The following ZZEF1 variants were observed in gnomAD, a reference collection of about 807,000 sequenced individuals.
ZZEF1 encodes the protein zinc finger ZZ-type and EF-hand domain containing 1.
A neutral mutation model predicts 342.8 loss-of-function variants in ZZEF1; 157 were observed. The ratio of observed to expected loss-of-function variants is 0.46; its 90% CI spans 0.40 to 0.52. The LOEUF (loss-of-function observed/expected upper bound fraction) is 0.52, where lower values mean the gene tolerates loss of function less well. ZZEF1 is among the 20% of genes least tolerant of loss of function. The pLI is 0.00. For missense variants in ZZEF1, 3,480 were observed against 3,725.6 expected, an observed-to-expected ratio of 0.93 and a Z score of 1.72; for synonymous variants, 1,505 against 1,429.1, an observed-to-expected ratio of 1.05 and a Z score of -1.20.
At chr17:4,046,118 C>T (rs529532349) in intron 37 of ZZEF1, among the ~76,000 whole-genome samples, 12 of 152,178 alleles carry the variant, frequency 7.9e-5, no homozygotes, top group Non-Finnish European at 1.8e-4. Context: ...TGAGCCACCA[C>T]GCCCGGCCTC....
chr17:4,063,057 G>T (rs1207758238), intron 29 of ZZEF1, 140 bp from the exon 30 acceptor site: 22 of 777,048 alleles, frequency 2.8e-5, no homozygotes, highest in Non-Finnish European at 3.8e-5. Flanking sequence ...TGTAGGAGAA[G>T]TACCAATACC....
intron 16 of ZZEF1, among the ~76,000 whole-genome samples, chr17:4,083,934 A>C (rs1394405549): frequency 6.6e-6 from 1 of 152,178 alleles, no homozygotes; most frequent in East Asian, 1.9e-4. Flanking sequence ...TCTTTTAAAT[A>C]ATTCTATTAG....
At chr17:4,027,149 G>T (rs1422146409) in intron 42 of ZZEF1, among the ~76,000 whole-genome samples, 1 of 151,942 alleles carries the variant, frequency 6.6e-6, no homozygotes, top group Non-Finnish European at 1.5e-5. Flanking sequence ...TTGTTTTTTA[G>T]GGGGTGGTAG....
intron 6 of ZZEF1, among the ~76,000 whole-genome samples, chr17:4,107,324 A>G (rs1208558067): frequency 6.6e-6 from 1 of 152,006 alleles, no homozygotes; most frequent in Non-Finnish European, 1.5e-5. Context: ...AAATATAGAA[A>G]CCTCTTCCTT....
chr17:4,066,652 T>G (rs572612294), intron 27 of ZZEF1, 112 bp from the exon 28 acceptor site: 1 of 889,618 alleles, frequency 1.1e-6, no homozygotes, highest in Admixed American at 2.0e-5. Context: ...TACTTCACAG[T>G]TGTATCATTT....
At chr17:4,049,888 T>TTATATAATGAG (rs2057008798) in intron 36 of ZZEF1, 29 bp from the exon 37 acceptor site, 2 of 1,607,246 alleles carry the variant, frequency 1.2e-6, no homozygotes, top group Non-Finnish European at 1.7e-6. Flanking sequence ...AGAGAATGGT[T>TTATATAATGAG]AGAAGTTTTA....
intron 13 of ZZEF1, 133 bp downstream of exon 13, chr17:4,088,545 G>A (rs953750197): frequency 1.1e-6 from 1 of 939,222 alleles, no homozygotes; most frequent in Non-Finnish European, 1.6e-6. Context: ...AGCTTTTCAT[G>A]TCCCTGCAGC....
At chr17:4,012,203 T>C (rs2055979724) in intron 52 of ZZEF1, among the ~76,000 whole-genome samples, 1 of 152,188 alleles carries the variant, frequency 6.6e-6, no homozygotes, top group Admixed American at 6.5e-5. Context: ...CTGTGCTTAC[T>C]GGACTCGACG....
chr17:4,082,621 C>G, intron 16 of ZZEF1, 117 bp from the exon 17 acceptor site: 1 of 914,570 alleles, frequency 1.1e-6, no homozygotes, highest in Non-Finnish European at 1.7e-6. Flanking sequence ...AATGCCAGGC[C>G]AGCAGACTAC....
intron 1 of ZZEF1, among the ~76,000 whole-genome samples, chr17:4,130,504 C>T (rs1165661096): frequency 6.6e-6 from 1 of 151,776 alleles, no homozygotes; most frequent in East Asian, 1.9e-4. Flanking sequence ...ATGAAAATAT[C>T]ACAACAAAAC....
At chr17:4,064,061 G>T (rs899818988) in intron 29 of ZZEF1, among the ~76,000 whole-genome samples, 6 of 142,048 alleles carry the variant, frequency 4.2e-5, no homozygotes, top group Admixed American at 4.1e-4. Flanking sequence ...TTTTGTAGAT[G>T]GAGGGGGGGG....
chr17:4,020,207 C>T lies in ZZEF1; in HGVS notation c.7405-438G>A, dbSNP rs181628531. 8.5e-5 allele frequency among the ~76,000 whole-genome samples: 13 copies of T among 152,258 alleles called. No individual in the cohort carries two copies. In the East Asian group the frequency reaches 2.3e-3, roughly 27 times the overall value. ...TGCAGTGGTGTGATCATAGCTCATA[C>T]CACTGAGTACCCAAAAGCGTAGAAA... On this transcript the variant is annotated intron_variant, in intron 45 of 54. Transcript: ENST00000381638.
intron 9 of ZZEF1, among the ~76,000 whole-genome samples, chr17:4,097,790 T>C (rs1299275445): frequency 6.6e-6 from 1 of 152,052 alleles, no homozygotes; most frequent in African/African-American, 2.4e-5. Flanking sequence ...CCCTCATTAA[T>C]TAATGAGCTA....
intron 1 of ZZEF1, among the ~76,000 whole-genome samples, chr17:4,140,656 C>T (rs1016965348): frequency 6.6e-6 from 1 of 152,172 alleles, no homozygotes; most frequent in Non-Finnish European, 1.5e-5. Context: ...TCAAGTATTT[C>T]TTGACCTTCT....
At chr17:4,106,776 G>A (rs1415223483) in intron 6 of ZZEF1, among the ~76,000 whole-genome samples, 1 of 152,174 alleles carries the variant, frequency 6.6e-6, no homozygotes, top group Non-Finnish European at 1.5e-5. Context: ...AACTGTGCTA[G>A]GTGACTGAAT....
Position 4,017,600 on chromosome 17 carries a change from A to T in ZZEF1, c.7772T>A (p.Leu2591Gln). The T allele has an allele frequency of 6.2e-7, 1 of 1,614,222 alleles. No individual in the cohort carries two copies. The highest frequency in any genetic ancestry group is 8.5e-7 in the Non-Finnish European group (1 of 1,180,038). ...KQRRSKSAAL[L>Q]HKELNCKSKR... ...ACTCTTGCAGTTCAGCTCCTTGTGC[A>T]GGAGGGCGGCGCTCTTGCTACGGCG... The change falls in exon 48 of 55, where the codon CTG becomes CAG. Residue 2591 changes from leucine to glutamine, a missense_variant. Coordinates refer to ENST00000381638, the MANE Select transcript of ZZEF1 (RefSeq NM_015113.4). The surrounding 1 kb of genome is among the most constrained non-coding windows in gnomAD (Gnocchi z 5.1).
At chr17:4,131,744 A>T (rs772917874) in intron 1 of ZZEF1, among the ~76,000 whole-genome samples, 49 of 152,158 alleles carry the variant, frequency 3.2e-4, no homozygotes, top group South Asian at 4.2e-4. Flanking sequence ...GCACCACTGT[A>T]CTCCAGCCTG....
In ZZEF1 at chr17:4,004,903, G is replaced by A. The variant is rs1286931299; in HGVS notation, c.*1987C>T. ...CCCGTGAACTGCAGCGAAGATCCCAGAACAGCAAGGGCAGTGGGCGGACAG... is the reference window on the plus strand; with the variant it reads ...CCCGTGAACTGCAGCGAAGATCCCAAAACAGCAAGGGCAGTGGGCGGACAG... On this transcript the variant is annotated 3_prime_UTR_variant, in exon 55 of 55. Coordinates refer to ENST00000381638, the MANE Select transcript of ZZEF1 (RefSeq NM_015113.4). 6.6e-6 allele frequency: 1 copy of A among 152,348 alleles called. No individual in the cohort carries two copies. Among genetic ancestry groups the A allele is most frequent in the Non-Finnish European group, 1.5e-5 (1 of 68,106 alleles). The allele number at this position is 152,348 out of a possible 1,614,324, so 9.4% of individuals were successfully genotyped here. A position where few individuals can be genotyped will look rare whatever the true frequency, so the allele number is the denominator to read the frequency against.
chr17:4,142,980 G>T lies in ZZEF1; in HGVS notation c.-85C>A, dbSNP rs1162607685. 1.6e-6 allele frequency: 2 copies of T among 1,263,140 alleles called. No individual in the cohort carries two copies. The highest frequency in any genetic ancestry group is 2.0e-6 in the Non-Finnish European group (2 of 1,008,416). 78.2% of individuals were successfully genotyped at this position (1,263,140 alleles called of 1,614,324 possible). On this transcript the variant is annotated 5_prime_UTR_variant, in exon 1 of 55. Transcript: ENST00000381638. ...CTGTCAACCTCCGACAGCAGCTGGCGGGCGGGGACGCGGAGGAGACGACGG... is the reference window on the plus strand; with the variant it reads ...CTGTCAACCTCCGACAGCAGCTGGCTGGCGGGGACGCGGAGGAGACGACGG...
Sources: allele counts gnomAD v4.1 joint callset (sites outside exome capture counted in the v4.1 genomes callset), GRCh38; gene constraint gnomAD v4.1.1; non-coding constraint Gnocchi (gnomAD v3.1); transcripts MANE v1.5; gene names NCBI Gene and HGNC (gene_info 2026-07-23, HGNC 2026-07-21).